Variants in GNG4 observed in about 807,000 individuals in gnomAD.
The protein encoded by GNG4 is guanine nucleotide-binding protein G(I)/G(S)/G(O) subunit gamma-4.
Under a neutral mutation model 5.8 loss-of-function variants are expected in GNG4, and 4 were observed. The ratio of observed to expected loss-of-function variants is 0.69; its 90% CI spans 0.34 to 1.57. GNG4 has a LOEUF of 1.57. Among genes scored for constraint, GNG4 ranks in the 40% most tolerant of loss-of-function variants. The pLI is 0.06. For synonymous variants in GNG4, 29 were observed against 32.9 expected (o/e 0.88, Z 0.41); for missense variants, 96 against 95.1 (o/e 1.01, Z -0.04).
intron 1 of GNG4, among the ~76,000 whole-genome samples, chr1:235,640,811 T>C (rs1443088467): frequency 2.0e-5 from 3 of 152,202 alleles, no homozygotes; most frequent in Non-Finnish European, 2.9e-5. Flanking sequence ...TCCCTCCCTT[T>C]TGTTGCCGCT....
intron 2 of GNG4, among the ~76,000 whole-genome samples, chr1:235,585,065 C>T (rs1687726138): frequency 6.6e-6 from 1 of 152,182 alleles, no homozygotes; most frequent in South Asian, 2.1e-4. Flanking sequence ...ACCAATCACA[C>T]TGGACTCCAG....
Position 235,548,984 on chromosome 1 carries a change from G to A in GNG4, c.*3125C>T, listed in dbSNP as rs1046342643. The A allele has an allele frequency of 6.6e-6, 1 of 152,282 alleles. No individual in the cohort carries two copies. The highest frequency in any genetic ancestry group is 1.5e-5 in the Non-Finnish European group (1 of 68,154). The allele number at this position is 152,282 out of a possible 1,614,324, so 9.4% of individuals were successfully genotyped here. ...AAGGCGGGCGGATCACTTGAGGTCT[G>A]GGCTTCAAGACCAGCGTGGCCAACA... On this transcript the variant is annotated 3_prime_UTR_variant, in exon 4 of 4. Coordinates refer to ENST00000391854, the MANE Select transcript of GNG4 (RefSeq NM_001098722.2).
chr1:235,633,946 G>A (rs950333317), intron 1 of GNG4, among the ~76,000 whole-genome samples: 6 of 152,136 alleles, frequency 3.9e-5, no homozygotes, highest in African/African-American at 7.2e-5. Context: ...ATAAAAAGAC[G>A]AGAATCCAAA....
intron 2 of GNG4, among the ~76,000 whole-genome samples, chr1:235,585,049 T>C (rs898388772): frequency 2.0e-5 from 3 of 152,130 alleles, no homozygotes; most frequent in Non-Finnish European, 4.4e-5. Flanking sequence ...CTACCTCCTA[T>C]GGGCAACCAA....
chr1:235,634,232 G>A (rs1161487594), intron 1 of GNG4, among the ~76,000 whole-genome samples: 2 of 152,112 alleles, frequency 1.3e-5, no homozygotes, highest in Non-Finnish European at 1.5e-5. Flanking sequence ...CCAGTGGCAC[G>A]GGCAGTAAAA....
intron 1 of GNG4, among the ~76,000 whole-genome samples, chr1:235,643,460 C>T (rs571801657): frequency 7.2e-5 from 11 of 152,314 alleles, no homozygotes; most frequent in African/African-American, 2.6e-4. Flanking sequence ...ACATGCACCC[C>T]CTCTAGGTTC....
intron 3 of GNG4, among the ~76,000 whole-genome samples, chr1:235,580,739 G>GTTTTGT (rs1687609108): frequency 2.0e-5 from 2 of 98,048 alleles, no homozygotes; most frequent in African/African-American, 9.1e-5. Flanking sequence ...GGCCTATCCC[G>GTTTTGT]TTTTTTGTTT....
intron 3 of GNG4, among the ~76,000 whole-genome samples, chr1:235,552,832 G>A (rs1686789855): frequency 6.6e-6 from 1 of 151,974 alleles, no homozygotes; most frequent in African/African-American, 2.4e-5. Flanking sequence ...CGTGATCTCC[G>A]CTCACTGCAA....
At chr1:235,611,804 C>T (rs887766872) in intron 1 of GNG4, among the ~76,000 whole-genome samples, 3 of 152,044 alleles carry the variant, frequency 2.0e-5, no homozygotes, top group African/African-American at 7.2e-5. Context: ...TGGCTCTTGC[C>T]TGTAATCCCA....
At chr1:235,611,779 A>G (rs1688479832) in intron 1 of GNG4, among the ~76,000 whole-genome samples, 1 of 152,152 alleles carries the variant, frequency 6.6e-6, no homozygotes, top group Non-Finnish European at 1.5e-5. Flanking sequence ...ATGATGAAGT[A>G]TTGGCCAGGT....
chr1:235,632,887 C>T (rs78254170), intron 1 of GNG4, among the ~76,000 whole-genome samples: 2,081 of 152,048 alleles, frequency 0.014, 23 homozygotes, highest in East Asian at 0.064. Flanking sequence ...TGGATGAAAC[C>T]GAAAGACTAT....
chr1:235,617,889 T>TAAAA (rs34128028), intron 1 of GNG4, among the ~76,000 whole-genome samples: 2 of 109,700 alleles, frequency 1.8e-5, no homozygotes, highest in African/African-American at 3.7e-5. Context: ...TGCCTCTATC[T>TAAAA]AAAAAAAAAA....
chr1:235,629,203 CA>C (rs1688886074), intron 1 of GNG4, among the ~76,000 whole-genome samples: 1 of 151,530 alleles, frequency 6.6e-6, no homozygotes, highest in South Asian at 2.1e-4. Context: ...AAAATGAAGA[CA>C]GGGGCTTGCT....
intron 1 of GNG4, among the ~76,000 whole-genome samples, chr1:235,618,845 G>A (rs12734612): frequency 2.0e-5 from 3 of 151,250 alleles, no homozygotes; most frequent in South Asian, 2.1e-4. Context: ...TAGTAGAGAC[G>A]GGGTTTCACC....
intron 1 of GNG4, among the ~76,000 whole-genome samples, chr1:235,647,515 T>C (rs1571932314): frequency 6.6e-6 from 1 of 152,324 alleles, no homozygotes; most frequent in South Asian, 2.1e-4. Flanking sequence ...GCTTTCTGCA[T>C]AAGCAGTAGT....
intron 3 of GNG4, among the ~76,000 whole-genome samples, chr1:235,567,694 G>A (rs1194087594): frequency 1.3e-5 from 2 of 152,116 alleles, no homozygotes; most frequent in Non-Finnish European, 2.9e-5. Flanking sequence ...ACTACATTTT[G>A]TTTATCCATT....
At chr1:235,597,280 C>A (rs1201948666) in intron 1 of GNG4, among the ~76,000 whole-genome samples, 1 of 152,218 alleles carries the variant, frequency 6.6e-6, no homozygotes, top group South Asian at 2.1e-4. Context: ...CTGTTTGCTC[C>A]CCTGGCTAAA....
chr1:235,640,873 T>A (rs1380288626), intron 1 of GNG4, among the ~76,000 whole-genome samples: 1 of 152,258 alleles, frequency 6.6e-6, no homozygotes, highest in Non-Finnish European at 1.5e-5. Context: ...AGTCCCTGGA[T>A]GGGTGGAGCA....
chr1:235,559,015 A>G (rs1234222522), intron 3 of GNG4, among the ~76,000 whole-genome samples: 1 of 152,226 alleles, frequency 6.6e-6, no homozygotes, highest in African/African-American at 2.4e-5. Context: ...CGCAATTACT[A>G]TAGTCACATT....
Sources: allele counts gnomAD v4.1 joint callset (sites outside exome capture counted in the v4.1 genomes callset), GRCh38; gene constraint gnomAD v4.1.1; transcripts MANE v1.5; gene names NCBI Gene and HGNC (gene_info 2026-07-23, HGNC 2026-07-21).